DCAF6: variants seen among roughly 807,000 people sequenced by gnomAD.
The protein encoded by DCAF6 is DDB1- and CUL4-associated factor 6.
In DCAF6, 54 loss-of-function variants were observed where a neutral mutation model predicts 125.1. That is an observed-to-expected ratio of 0.43 (90% CI 0.35 to 0.54). DCAF6 has a LOEUF of 0.54. Ranked by LOEUF, DCAF6 falls within the 20% of genes least tolerant of loss-of-function variation. DCAF6 has a pLI of 0.01. For missense variants in DCAF6, 934 were observed against 1,161.7 expected, an observed-to-expected ratio of 0.80 and a Z score of 2.85; for synonymous variants, 371 against 390.4, an observed-to-expected ratio of 0.95 and a Z score of 0.58.
At chr1:167,900,642 C>T in the DCAF6 span, among the ~76,000 whole-genome samples, 8 of 152,112 alleles carry the variant, frequency 5.3e-5, no homozygotes, top group Non-Finnish European at 1.2e-4. Flanking sequence ...AAGCAATTCT[C>T]CTGCCTCAGC....
the DCAF6 span, among the ~76,000 whole-genome samples, chr1:167,893,695 CAAAAA>C: frequency 0.015 from 1,019 of 70,174 alleles, 11 homozygotes; most frequent in African/African-American, 0.048. Flanking sequence ...GACTCTGTCT[CAAAAA>C]AAAAAAAAAA....
intron 4 of DCAF6, among the ~76,000 whole-genome samples, chr1:167,975,408 T>C (rs886381790): frequency 1.3e-5 from 2 of 152,312 alleles, no homozygotes; most frequent in Non-Finnish European, 2.9e-5. Context: ...TTTTGTAGGA[T>C]AGAAGGGACT....
chr1:167,983,606 G>A (rs1203507459), intron 4 of DCAF6, among the ~76,000 whole-genome samples: 2 of 152,222 alleles, frequency 1.3e-5, no homozygotes, highest in African/African-American at 2.4e-5. Context: ...AGCCAGAGAT[G>A]TTAGAGTAGG....
intron 10 of DCAF6, among the ~76,000 whole-genome samples, chr1:168,008,847 T>TC (rs1683742271): frequency 2.1e-5 from 1 of 47,748 alleles, no homozygotes; most frequent in East Asian, 7.6e-4. Context: ...TGCCCTGCCC[T>TC]CCCCCGCCCC....
rs1406926065 is a variant in DCAF6 at position 167,991,357 on chromosome 1, G to T, written c.688+18G>T. 4 of 1,596,080 alleles carry T rather than the reference G, an allele frequency of 2.5e-6. No homozygotes were observed. Among genetic ancestry groups the T allele is most frequent in the Non-Finnish European group, 3.4e-6 (4 of 1,172,556 alleles). Reference sequence around the variant, plus strand: ...AGCTACAGGTAAGAAGATAATATTAGAGAAAATATAGGACTGTCAGTTCAA... The same window carrying T: ...AGCTACAGGTAAGAAGATAATATTATAGAAAATATAGGACTGTCAGTTCAA... On this transcript the variant is annotated intron_variant, in intron 6 of 21. Transcript: ENST00000367840.
Position 167,987,517 on chromosome 1 carries a change from C to T in DCAF6, c.461C>T (p.Pro154Leu). 2 of 1,595,970 alleles carry T rather than the reference C, an allele frequency of 1.3e-6. No homozygotes were observed. Among genetic ancestry groups the T allele is most frequent in the Non-Finnish European group, 1.7e-6 (2 of 1,165,876 alleles). Residue 154 changes from proline to leucine, a missense_variant, in exon 5 of 22, where the codon CCT becomes CTT. Around this residue, in one of 5 missense-constraint regions of DCAF6, gnomAD observed 309 missense variants for 381.2 expected, o/e 0.81. Transcript: ENST00000367840. ...CAGATTATGACTGTACCCAATGACCCTTACACTTTTCTCTCTTGTGGTGAA... is the reference window on the plus strand; with the variant it reads ...CAGATTATGACTGTACCCAATGACCTTTACACTTTTCTCTCTTGTGGTGAA... The part of the protein sequence containing the change: ...TYEIMTVPND[P>L]YTFLSCGEDG...
intron 13 of DCAF6, among the ~76,000 whole-genome samples, chr1:168,039,340 A>G (rs1167631703): frequency 1.3e-5 from 2 of 151,596 alleles, no homozygotes; most frequent in Admixed American, 6.6e-5. Context: ...TTTAGTATTT[A>G]ATTGATTATT....
chr1:168,063,553 T>C, intron 17 of DCAF6, 68 bp from the exon 18 acceptor site: 5 of 1,294,446 alleles, frequency 3.9e-6, no homozygotes, highest in Non-Finnish European at 5.1e-6. Flanking sequence ...TATATTTTCA[T>C]AAGTTTCTCA....
the DCAF6 span, chr1:167,870,389 T>C: frequency 6.2e-7 from 1 of 1,609,488 alleles, no homozygotes. Flanking sequence ...ATACATGAAG[T>C]AGTTGATCTC....
the DCAF6 span, among the ~76,000 whole-genome samples, chr1:167,911,995 C>A: frequency 6.6e-6 from 1 of 152,142 alleles, no homozygotes; most frequent in East Asian, 1.9e-4. Context: ...AAATAAATAT[C>A]TGGGAGTTTC....
chr1:168,004,009 A>C lies in DCAF6; in HGVS notation c.1117+20A>C, dbSNP rs754404105. The C allele has an allele frequency of 1.2e-6, 2 of 1,605,598 alleles. No homozygotes were observed. The highest frequency in any genetic ancestry group is 1.7e-6 in the Non-Finnish European group (2 of 1,176,018). On this transcript the variant is annotated intron_variant, in intron 9 of 21. Coordinates refer to ENST00000367840, the MANE Select transcript of DCAF6 (RefSeq NM_001198956.2). ...CCAGAGGTAATTTTTAATGTTAATT[A>C]AAGTCATCAGAAAGCTGGCAAAAAC...
chr1:167,892,188 T>C, the DCAF6 span, among the ~76,000 whole-genome samples: 1 of 152,160 alleles, frequency 6.6e-6, no homozygotes, highest in African/African-American at 2.4e-5. Context: ...TCCAGGCTGG[T>C]CTTGAACTCC....
In DCAF6 at chr1:168,059,434, TG is replaced by T. The variant is rs745891652; in HGVS notation, c.2301-4185del. Among the ~76,000 whole-genome samples, 28 of 152,372 alleles carry T rather than the reference TG, an allele frequency of 1.8e-4. No individual in the cohort carries two copies. In the East Asian group the frequency reaches 5.0e-3, roughly 27 times the overall value. On this transcript the variant is annotated intron_variant, in intron 17 of 21. Transcript: ENST00000367840. Reference sequence around the variant, plus strand: ...ATTATAGCTTTTTAGTAAATCTTAATGGCGGCTAAGGCAAGACCCTTCCTTC... The same window carrying T: ...ATTATAGCTTTTTAGTAAATCTTAATGCGGCTAAGGCAAGACCCTTCCTTC...
chr1:168,046,120 A>G (rs1689129006), intron 16 of DCAF6, among the ~76,000 whole-genome samples: 2 of 152,138 alleles, frequency 1.3e-5, no homozygotes, highest in Admixed American at 1.3e-4. Context: ...ATGGGTTTGA[A>G]TACTGGTTTC....
the DCAF6 span, among the ~76,000 whole-genome samples, chr1:167,878,920 G>GAC: frequency 2.0e-5 from 3 of 152,172 alleles, no homozygotes; most frequent in Non-Finnish European, 2.9e-5. Context: ...TCTGTAAGTG[G>GAC]GATGGCCACA....
At chr1:168,024,221 A>T (rs1188354665) in intron 12 of DCAF6, among the ~76,000 whole-genome samples, 49 of 95,102 alleles carry the variant, frequency 5.2e-4, no homozygotes, top group Middle Eastern at 5.1e-3. Context: ...CCATCTCTTT[A>T]AAAAAAAAAA....
chr1:168,019,831 A>G (rs1260768207), intron 11 of DCAF6: 2 of 173,736 alleles, frequency 1.2e-5, no homozygotes, highest in African/African-American at 4.7e-5. Flanking sequence ...CTGTGCAAGC[A>G]GGCTCTAAAC....
the DCAF6 span, among the ~76,000 whole-genome samples, chr1:167,923,661 A>G: frequency 6.6e-6 from 1 of 152,194 alleles, no homozygotes; most frequent in Non-Finnish European, 1.5e-5. Flanking sequence ...CACTTTGAAA[A>G]TGGTTCAGAT....
intron 10 of DCAF6, among the ~76,000 whole-genome samples, chr1:168,008,879 C>CT (rs1683754051): frequency 7.7e-6 from 1 of 130,538 alleles, no homozygotes; most frequent in African/African-American, 2.9e-5. Flanking sequence ...ACCCTGCCCC[C>CT]ACCCCCTCCC....
Sources: allele counts gnomAD v4.1 joint callset (sites outside exome capture counted in the v4.1 genomes callset), GRCh38; gene constraint gnomAD v4.1.1; regional missense constraint gnomAD v4.1.1; transcripts MANE v1.5; gene names NCBI Gene and HGNC (gene_info 2026-07-23, HGNC 2026-07-21).